Variants in ZNF565 observed in about 807,000 individuals in gnomAD.
The protein encoded by ZNF565 is zinc finger protein 565.
ZNF565 carries 27 observed loss-of-function variants against 39.4 expected under a neutral mutation model. The ratio of observed to expected loss-of-function variants is 0.69; its 90% confidence interval spans 0.51 to 0.95. ZNF565 has a LOEUF of 0.95. ZNF565 is among the 40% of genes least tolerant of loss of function. The pLI is 0.00. For synonymous variants in ZNF565, 185 were observed against 216.6 expected, an observed-to-expected ratio of 0.85 and a Z score of 1.28; for missense variants, 524 against 621.1, an observed-to-expected ratio of 0.84 and a Z score of 1.66.
chr19:36,231,744 T>TAAA (rs1404986908), intron 1 of ZNF565, among the ~76,000 whole-genome samples: 1 of 152,100 alleles, frequency 6.6e-6, no homozygotes, highest in African/African-American at 2.4e-5. Flanking sequence ...ATGGTCTTTG[T>TAAA]AATAGGATCA....
At chr19:36,242,182 C>A (rs150891461) in intron 1 of ZNF565, among the ~76,000 whole-genome samples, 1 of 151,118 alleles carries the variant, frequency 6.6e-6, no homozygotes, top group East Asian at 2.0e-4. Context: ...GAGGCCGAGG[C>A]GGGCGGATCA....
chr19:36,182,060 C>T, downstream of ZNF565: 1 of 160,272 alleles, frequency 6.2e-6, no homozygotes. Flanking sequence ...CCACATTGGC[C>T]AGGCTGGTCT....
intron 1 of ZNF565, among the ~76,000 whole-genome samples, chr19:36,206,005 A>C (rs1599939459): frequency 6.7e-6 from 1 of 150,234 alleles, no homozygotes; most frequent in African/African-American, 2.5e-5. Context: ...TCTGTCACCG[A>C]GGCTGGAGTG....
chr19:36,210,939 T>C (rs548417258), intron 1 of ZNF565, among the ~76,000 whole-genome samples: 1 of 151,834 alleles, frequency 6.6e-6, no homozygotes, highest in African/African-American at 2.4e-5. Context: ...AGAGGCCACA[T>C]TGAAAGGACA....
At chr19:36,202,223 C>T (rs1024847405) in intron 1 of ZNF565, among the ~76,000 whole-genome samples, 173 bp from the exon 2 acceptor site, 28 of 152,018 alleles carry the variant, frequency 1.8e-4, no homozygotes, top group African/African-American at 5.6e-4. Flanking sequence ...CAGAGTTGGC[C>T]AGGCATGGTG....
At chr19:36,217,182 C>T (rs1976647972), upstream of ZNF565, among the ~76,000 whole-genome samples, 1 of 98,492 alleles carries the variant, frequency 1.0e-5, no homozygotes, top group African/African-American at 4.3e-5. Context: ...CTTGGCTCAG[C>T]CTCCCGAGTA....
intron 1 of ZNF565, among the ~76,000 whole-genome samples, chr19:36,204,882 G>A (rs1976095253): frequency 6.6e-6 from 1 of 152,040 alleles, no homozygotes. Context: ...CAGCTACTTG[G>A]GAGGCTGAGA....
intron 1 of ZNF565, among the ~76,000 whole-genome samples, chr19:36,204,819 G>GCA (rs1362397835): frequency 6.6e-6 from 1 of 150,512 alleles, no homozygotes; most frequent in African/African-American, 2.4e-5. Context: ...GTGAAACCCT[G>GCA]TCTCTACTAA....
In ZNF565 at chr19:36,194,338, G is replaced by A; in HGVS notation, c.137-10C>T. The A allele has an allele frequency of 6.2e-7, 1 of 1,601,386 alleles. No homozygotes were observed. Among genetic ancestry groups the A allele is most frequent in the South Asian group, 1.1e-5 (1 of 89,092 alleles). On this transcript the variant is annotated splice_polypyrimidine_tract_variant and intron_variant, in intron 3 of 4. Coordinates refer to ENST00000304116, the MANE Select transcript of ZNF565 (RefSeq NM_152477.5). ...TTAGAAATGGAGAGTCCTGTTTACA[G>A]GAAAAGAAATGGGGTGTGATCAGAC...
In ZNF565 at chr19:36,194,344, G is replaced by A. The variant is rs1218875766; in HGVS notation, c.137-16C>T. The stretch of plus-strand genomic sequence containing the variant: ...ATGGAGAGTCCTGTTTACAGGAAAA[G>A]AAATGGGGTGTGATCAGACCGCTCC... On this transcript the variant is annotated splice_polypyrimidine_tract_variant and intron_variant, in intron 3 of 4. Coordinates refer to ENST00000304116, the MANE Select transcript of ZNF565 (RefSeq NM_152477.5). 4 of 1,592,670 alleles carry A rather than the reference G, an allele frequency of 2.5e-6. No homozygotes were observed. The highest frequency in any genetic ancestry group is 1.1e-5 in the South Asian group (1 of 88,432).
intron 1 of ZNF565, among the ~76,000 whole-genome samples, chr19:36,221,262 T>C (rs1371344362): frequency 1.3e-5 from 2 of 151,992 alleles, no homozygotes; most frequent in East Asian, 1.9e-4. Context: ...GGTTCATTTG[T>C]TGTTTTCAGG....
intron 2 of ZNF565, among the ~76,000 whole-genome samples, chr19:36,196,226 A>G (rs1333891624): frequency 6.6e-6 from 1 of 152,086 alleles, no homozygotes; most frequent in Non-Finnish European, 1.5e-5. Context: ...CACTGCACCC[A>G]GCCTAATTTT....
At chr19:36,225,305 A>G (rs1173947107) in intron 1 of ZNF565, among the ~76,000 whole-genome samples, 1 of 152,230 alleles carries the variant, frequency 6.6e-6, no homozygotes, top group African/African-American at 2.4e-5. Flanking sequence ...TCCTTAAACA[A>G]AAAATCAAAT....
chr19:36,244,055 C>T (rs1977840375), intron 1 of ZNF565, among the ~76,000 whole-genome samples: 1 of 152,132 alleles, frequency 6.6e-6, no homozygotes, highest in South Asian at 2.1e-4. Context: ...CCAAGAACAG[C>T]CCCAGTCATT....
intron 1 of ZNF565, among the ~76,000 whole-genome samples, chr19:36,202,413 A>C (rs1975999021): frequency 6.6e-6 from 1 of 152,112 alleles, no homozygotes; most frequent in Non-Finnish European, 1.5e-5. Context: ...CAACAAAAAA[A>C]AACTGCAGAG....
intron 1 of ZNF565, among the ~76,000 whole-genome samples, chr19:36,207,396 T>G (rs1036628005): frequency 6.6e-6 from 1 of 151,982 alleles, no homozygotes; most frequent in Non-Finnish European, 1.5e-5. Flanking sequence ...AAAAGTTAGC[T>G]GCGTATGGTG....
chr19:36,190,342 C>T (rs1159201635), intron 4 of ZNF565, among the ~76,000 whole-genome samples: 2 of 149,050 alleles, frequency 1.3e-5, no homozygotes, highest in Non-Finnish European at 3.0e-5. Flanking sequence ...TTTGTGAGGC[C>T]GAGGAGGGTG....
intron 1 of ZNF565, among the ~76,000 whole-genome samples, chr19:36,240,064 C>G (rs1333003593): frequency 6.6e-6 from 1 of 152,186 alleles, no homozygotes; most frequent in Non-Finnish European, 1.5e-5. Context: ...TCTGTTTTCC[C>G]TGTTTGCACA....
intron 4 of ZNF565, among the ~76,000 whole-genome samples, chr19:36,193,065 G>A (rs1457728617): frequency 6.6e-6 from 1 of 151,968 alleles, no homozygotes; most frequent in Non-Finnish European, 1.5e-5. Flanking sequence ...GTGTGATCTT[G>A]GCTCACTGCA....
Sources: allele counts gnomAD v4.1 joint callset (sites outside exome capture counted in the v4.1 genomes callset), GRCh38; gene constraint gnomAD v4.1.1; transcripts MANE v1.5; gene names NCBI Gene and HGNC (gene_info 2026-07-23, HGNC 2026-07-21).